Variants in ADAMTS17 observed in about 807,000 individuals in gnomAD.
ADAMTS17 encodes the protein ADAM metallopeptidase with thrombospondin type 1 motif 17.
Under a neutral mutation model 141.5 loss-of-function variants are expected in ADAMTS17, and 113 were observed. The ratio of observed to expected loss-of-function variants is 0.80; its 90% confidence interval spans 0.69 to 0.93. The LOEUF (loss-of-function observed/expected upper bound fraction) is 0.93, where lower values mean the gene tolerates loss of function less well. Ranked by LOEUF, ADAMTS17 falls within the 40% of genes least tolerant of loss-of-function variation. The pLI, the probability that ADAMTS17 is intolerant of heterozygous loss-of-function variation, is 0.00. For synonymous variants in ADAMTS17, 768 were observed against 630.6 expected, an observed-to-expected ratio of 1.22 and a Z score of -3.27; for missense variants, 1,659 against 1,517.9, an observed-to-expected ratio of 1.09 and a Z score of -1.54.
At chr15:100,195,207 G>C (rs553584648) in intron 8 of ADAMTS17, among the ~76,000 whole-genome samples, 3 of 152,350 alleles carry the variant, frequency 2.0e-5, no homozygotes, top group African/African-American at 7.2e-5. Flanking sequence ...CCAGGCAGCA[G>C]CAAGGGTGGC....
intron 14 of ADAMTS17, among the ~76,000 whole-genome samples, chr15:100,103,516 C>T (rs1190037302): frequency 1.3e-5 from 2 of 152,136 alleles, no homozygotes; most frequent in Non-Finnish European, 2.9e-5. Context: ...TTGAAATGGG[C>T]TCCAGATTCC....
At chr15:100,179,384 C>T (rs2040446405) in intron 8 of ADAMTS17, among the ~76,000 whole-genome samples, 1 of 152,160 alleles carries the variant, frequency 6.6e-6, no homozygotes, top group Non-Finnish European at 1.5e-5. Context: ...TTGCAAGTGA[C>T]AGGATCTCAT....
intron 12 of ADAMTS17, among the ~76,000 whole-genome samples, chr15:100,125,452 G>A (rs1013956938): frequency 6.6e-6 from 1 of 152,176 alleles, no homozygotes; most frequent in African/African-American, 2.4e-5. Context: ...CAGGCTAGCC[G>A]CCTTCCTCTC....
chr15:100,037,366 C>T (rs79436620), intron 18 of ADAMTS17, among the ~76,000 whole-genome samples: 6,973 of 150,752 alleles, frequency 0.046, 330 homozygotes, highest in African/African-American at 0.12. Context: ...GGTTCTGTGT[C>T]ATCTTATTAT....
At chr15:100,309,952 C>T (rs1276224224) in intron 3 of ADAMTS17, among the ~76,000 whole-genome samples, 1 of 152,232 alleles carries the variant, frequency 6.6e-6, no homozygotes, top group Non-Finnish European at 1.5e-5. Context: ...GGATAGGAAA[C>T]AGGAAGATTT....
chr15:100,165,176 C>G (rs368673161), intron 8 of ADAMTS17, among the ~76,000 whole-genome samples: 15 of 152,200 alleles, frequency 9.9e-5, no homozygotes, highest in African/African-American at 3.6e-4. Flanking sequence ...CATGGGCTCA[C>G]CAGCTCCTGC....
intron 20 of ADAMTS17, among the ~76,000 whole-genome samples, chr15:99,987,548 C>A (rs1022637075): frequency 6.6e-6 from 1 of 152,156 alleles, no homozygotes; most frequent in African/African-American, 2.4e-5. Flanking sequence ...GGCAGTGGAA[C>A]CCATGGGTGC....
chr15:100,254,713 A>G (rs2043266952), intron 6 of ADAMTS17, among the ~76,000 whole-genome samples: 1 of 152,224 alleles, frequency 6.6e-6, no homozygotes, highest in African/African-American at 2.4e-5. Flanking sequence ...ATGGAGCTGG[A>G]GCCTATTATC....
At chr15:100,341,444 G>C in intron 1 of ADAMTS17, 35 bp from the exon 2 acceptor site, 1 of 1,010,758 alleles carries the variant, frequency 9.9e-7, no homozygotes, top group Non-Finnish European at 1.2e-6. Context: ...AGCGCGGCGG[G>C]GCCCGCCCGG....
At chr15:100,080,193 G>T (rs558482888) in intron 15 of ADAMTS17, among the ~76,000 whole-genome samples, 1 of 152,156 alleles carries the variant, frequency 6.6e-6, no homozygotes, top group African/African-American at 2.4e-5. Context: ...CTGGCCTGGA[G>T]ATCTTAGTTC....
intron 15 of ADAMTS17, among the ~76,000 whole-genome samples, chr15:100,082,512 A>T (rs1053201294): frequency 6.6e-6 from 1 of 151,530 alleles, no homozygotes; most frequent in Admixed American, 6.6e-5. Flanking sequence ...CCGCTTCCTG[A>T]GTAGTGGGGA....
Position 100,206,530 on chromosome 15 carries a change from T to C in ADAMTS17, c.1076-7107A>G, listed in dbSNP as rs899944. Among the ~76,000 whole-genome samples, 44 of 152,354 alleles carry C rather than the reference T, an allele frequency of 2.9e-4. No individual in the cohort carries two copies. In the South Asian group the frequency reaches 5.8e-3, roughly 20 times the overall value. ...TAAAATGAACTTGCCTTAGTCCCAC[T>C]TCAGTGACAGCTTTCAGCCTCCTCT... is the stretch of plus-strand genomic sequence containing the variant. On this transcript the variant is annotated intron_variant, in intron 7 of 21. Coordinates refer to ENST00000268070, the MANE Select transcript of ADAMTS17 (RefSeq NM_139057.4).
chr15:100,116,386 ATGTTC>A (rs2037130927), intron 13 of ADAMTS17, among the ~76,000 whole-genome samples: 1 of 152,232 alleles, frequency 6.6e-6, no homozygotes, highest in South Asian at 2.1e-4. Context: ...TATTCTCAAA[ATGTTC>A]CCCAACATCC....
intron 7 of ADAMTS17, among the ~76,000 whole-genome samples, chr15:100,234,644 A>G (rs1291244438): frequency 6.6e-6 from 1 of 152,206 alleles, no homozygotes; most frequent in Non-Finnish European, 1.5e-5. Context: ...TGGGGTTTCC[A>G]CTTTATCTCA....
intron 14 of ADAMTS17, among the ~76,000 whole-genome samples, chr15:100,098,886 C>T (rs549007916): frequency 6.6e-6 from 1 of 152,318 alleles, no homozygotes; most frequent in South Asian, 2.1e-4. Flanking sequence ...TTTCCTGGCA[C>T]CTGTTCCAGC....
At chr15:100,121,513 C>T (rs1233541310) in intron 12 of ADAMTS17, among the ~76,000 whole-genome samples, 1 of 152,056 alleles carries the variant, frequency 6.6e-6, no homozygotes, top group Non-Finnish European at 1.5e-5. Context: ...CACCAGAAAC[C>T]TTGAAGGCCA....
chr15:100,207,493 A>T (rs1033703329), intron 7 of ADAMTS17, among the ~76,000 whole-genome samples: 2 of 152,190 alleles, frequency 1.3e-5, no homozygotes, highest in Non-Finnish European at 2.9e-5. Context: ...ACCGGAACTC[A>T]CCATGCTCAT....
chr15:100,252,049 G>T (rs1475063770), intron 7 of ADAMTS17, among the ~76,000 whole-genome samples: 2 of 152,190 alleles, frequency 1.3e-5, no homozygotes, highest in African/African-American at 4.8e-5. Context: ...ATAAAAAGTA[G>T]TATGATGATG....
chr15:100,126,103 T>A (rs2037719034), intron 12 of ADAMTS17: 1 of 152,232 alleles, frequency 6.6e-6, no homozygotes. Flanking sequence ...TCAGCTGCGC[T>A]TTGTAACCAT....
Sources: gnomAD v4.1 joint callset for allele counts (sites outside exome capture counted in the v4.1 genomes callset) on GRCh38, gnomAD v4.1.1 for gene constraint, MANE v1.5 for transcripts, NCBI Gene and HGNC (gene_info 2026-07-23, HGNC 2026-07-21) for gene names.